Variants in SPATA18 observed in about 807,000 individuals in gnomAD.
The protein encoded by SPATA18 is mitochondria-eating protein.
A neutral mutation model predicts 68.1 loss-of-function variants in SPATA18; 54 were observed. That is an observed-to-expected ratio of 0.79 (90% CI 0.64 to 0.99). The LOEUF (loss-of-function observed/expected upper bound fraction) is 0.99. Ranked by LOEUF, SPATA18 falls within the 50% of genes least tolerant of loss-of-function variation. The probability of loss-of-function intolerance (pLI) is 0.00; values close to 1 mark genes in which losing one functional copy is unlikely to be tolerated. For missense variants in SPATA18, 724 were observed against 681.1 expected, an observed-to-expected ratio of 1.06 and a Z score of -0.70; for synonymous variants, 242 against 244.8, an observed-to-expected ratio of 0.99 and a Z score of 0.11.
chr4:52,088,177 A>G (rs555996535), intron 11 of SPATA18, among the ~76,000 whole-genome samples: 2 of 152,292 alleles, frequency 1.3e-5, no homozygotes, highest in Non-Finnish European at 2.9e-5. Context: ...TTGGGCTGAG[A>G]CGATGCGGTT....
chr4:52,086,498 G>A (rs1234237675), intron 11 of SPATA18, among the ~76,000 whole-genome samples: 1 of 152,116 alleles, frequency 6.6e-6, no homozygotes, highest in Non-Finnish European at 1.5e-5. Context: ...TCCCACTTAT[G>A]AGTGAGAACA....
intron 11 of SPATA18, 47 bp from the exon 12 acceptor site, chr4:52,094,480 G>A: frequency 6.3e-7 from 1 of 1,578,332 alleles, no homozygotes; most frequent in Non-Finnish European, 8.7e-7. Context: ...TTCATCCTTT[G>A]AGCTCCGTCT....
intron 6 of SPATA18, among the ~76,000 whole-genome samples, chr4:52,074,173 G>A (rs1740110227): frequency 6.6e-6 from 1 of 152,118 alleles, no homozygotes; most frequent in Non-Finnish European, 1.5e-5. Flanking sequence ...ATTATGTTCA[G>A]GACAGTGATT....
chr4:52,061,487 AAATAAT>A lies in SPATA18; in HGVS notation c.309+620_309+625del, dbSNP rs3050629. ...ATGTGTATCCCAGAACCTAAAGTAA[AAATAAT>A]AATAATAATAATAATAATAATAATA... On this transcript the variant is annotated intron_variant, in intron 3 of 12. Coordinates refer to ENST00000295213, the MANE Select transcript of SPATA18 (RefSeq NM_145263.4). 5.1e-3 allele frequency among the ~76,000 whole-genome samples: 726 copies of A among 143,492 alleles called. 10 individuals carry two copies. Among genetic ancestry groups the A allele is most frequent in the East Asian group, 0.029 (142 of 4,946 alleles). 94.1% of individuals were successfully genotyped at this position (143,492 alleles called of 152,430 possible).
chr4:52,072,393 G>A (rs895479106), intron 6 of SPATA18, among the ~76,000 whole-genome samples: 1 of 151,934 alleles, frequency 6.6e-6, no homozygotes, highest in African/African-American at 2.4e-5. Context: ...GAGATATGGA[G>A]AAGGAAAGTT....
chr4:52,081,197 T>A (rs1361180436), intron 9 of SPATA18, among the ~76,000 whole-genome samples: 1 of 152,230 alleles, frequency 6.6e-6, no homozygotes, highest in Admixed American at 6.5e-5. Flanking sequence ...AATCTGCACA[T>A]GTCAAAGACT....
chr4:52,062,208 G>A lies in SPATA18; in HGVS notation c.310-12G>A, dbSNP rs780874355. The A allele has an allele frequency of 1.0e-5, 9 of 902,248 alleles. No homozygotes were observed. Among genetic ancestry groups the A allele is most frequent in the African/African-American group, 2.2e-5 (1 of 45,890 alleles). The allele number at this position is 902,248 out of a possible 1,614,324, so 55.9% of individuals were successfully genotyped here. A position where few individuals can be genotyped will look rare whatever the true frequency, so the allele number is the denominator to read the frequency against. On this transcript the variant is annotated splice_polypyrimidine_tract_variant and intron_variant, in intron 3 of 12. Coordinates refer to ENST00000295213, the MANE Select transcript of SPATA18 (RefSeq NM_145263.4). ...ACTGTTTTTTTTTTTTTTTTTTGGT[G>A]TATCTTTCCAGGACACGTTTGATAG...
At chr4:52,074,776 T>C (rs1367466085) in intron 6 of SPATA18, among the ~76,000 whole-genome samples, 1 of 152,154 alleles carries the variant, frequency 6.6e-6, no homozygotes, top group Non-Finnish European at 1.5e-5. Flanking sequence ...ATTATAAGTA[T>C]GAATGGTGGG....
Position 52,051,472 on chromosome 4 carries a change from C to T in SPATA18, c.-233C>T, listed in dbSNP as rs530239175. ...AGGCGGCTGCTGGGGAGCCAGGAGA[C>T]CGCGCGGGACGGCGGATGAGGCGCG... On this transcript the variant is annotated 5_prime_UTR_variant, in exon 1 of 13. Transcript: ENST00000295213. 4.1e-5 allele frequency: 22 copies of T among 536,094 alleles called. No individual in the cohort carries two copies. The South Asian group carries it at 6.0e-4, about 15-fold the overall frequency. The allele number at this position is 536,094 out of a possible 1,614,324, so 33.2% of individuals were successfully genotyped here.
At chr4:52,074,662 T>G (rs1740166285) in intron 6 of SPATA18, among the ~76,000 whole-genome samples, 1 of 152,184 alleles carries the variant, frequency 6.6e-6, no homozygotes. Flanking sequence ...GATTCAGAGT[T>G]TTGTTGTAAG....
chr4:52,090,753 G>T (rs974298720), intron 11 of SPATA18, among the ~76,000 whole-genome samples: 1 of 152,114 alleles, frequency 6.6e-6, no homozygotes, highest in East Asian at 1.9e-4. Flanking sequence ...TGAATCTGAC[G>T]ATTATGTGTC....
chr4:52,054,047 A>G (rs940246487), intron 1 of SPATA18, among the ~76,000 whole-genome samples: 2 of 152,228 alleles, frequency 1.3e-5, no homozygotes, highest in Non-Finnish European at 2.9e-5. Context: ...TGCTCGTCCT[A>G]GAGCAATGCT....
chr4:52,054,097 T>C (rs1738130536), intron 1 of SPATA18, among the ~76,000 whole-genome samples: 1 of 152,264 alleles, frequency 6.6e-6, no homozygotes, highest in Non-Finnish European at 1.5e-5. Flanking sequence ...AGGTTCTATA[T>C]CTGCATTGTC....
chr4:52,079,871 C>A lies in SPATA18; in HGVS notation c.1307C>A (p.Pro436His), dbSNP rs757275124. 4 of 1,613,810 alleles carry A rather than the reference C, an allele frequency of 2.5e-6. No individual in the cohort carries two copies. Among genetic ancestry groups the A allele is most frequent in the Non-Finnish European group, 3.4e-6 (4 of 1,179,898 alleles). Residue 436 changes from proline to histidine, a missense_variant, in exon 9 of 13, where the codon CCC becomes CAC. Pro to His is a moderately conservative substitution (Grantham distance 77). Coordinates refer to ENST00000295213, the MANE Select transcript of SPATA18 (RefSeq NM_145263.4). ...IAFAMQALEP[P>H]LDIAYGADGE... ...TTTGCAATGCAGGCCTTAGAACCAC[C>A]CCTAGATATTGCATATGGAGCAGAT...
chr4:52,060,817 C>A lies in SPATA18; in HGVS notation c.229C>A (p.Arg77Ser). ...RNDGVETIKS[R>S]LLPWLEASFT... The stretch of plus-strand genomic sequence containing the variant: ...TGATGGTGTGGAAACAATCAAGTCA[C>A]GCCTTTTGCCTTGGCTGGAGGCTTC... The change falls in exon 3 of 13, where the codon CGC becomes AGC. Residue 77 changes from arginine to serine, a missense_variant. Arg to Ser is a moderately radical substitution (Grantham distance 110). Coordinates refer to ENST00000295213, the MANE Select transcript of SPATA18 (RefSeq NM_145263.4). 1 of 1,614,084 alleles carries A rather than the reference C, an allele frequency of 6.2e-7. No individual in the cohort carries two copies. Among genetic ancestry groups the A allele is most frequent in the Non-Finnish European group, 8.5e-7 (1 of 1,179,986 alleles).
chr4:52,089,299 A>ATCT (rs1446161331), intron 11 of SPATA18, among the ~76,000 whole-genome samples: 2 of 152,066 alleles, frequency 1.3e-5, no homozygotes, highest in East Asian at 3.9e-4. Context: ...TTCTACTCTG[A>ATCT]TCTTAGTTAT....
chr4:52,079,756 G>T lies in SPATA18; in HGVS notation c.1192G>T (p.Ala398Ser). The change falls in exon 9 of 13, where the codon GCC (alanine) becomes TCC (serine). Residue 398 changes from alanine to serine, a missense_variant. Physicochemically the swap from Ala to Ser is moderately conservative, Grantham distance 99. Transcript: ENST00000295213. ...TTTTGTTTTTCAGGATGTGATCCGA[G>T]CCATGAATGTCAATCCCAAGATTTC... Reference protein sequence around the residue: ...SQSSVNDVIRAMNVNPKISFP... With the variant: ...SQSSVNDVIRSMNVNPKISFP... 6.2e-7 allele frequency: 1 copy of T among 1,613,888 alleles called. No individual in the cohort carries two copies. Among genetic ancestry groups the T allele is most frequent in the Non-Finnish European group, 8.5e-7 (1 of 1,179,874 alleles).
At chr4:52,059,363 A>G (rs1226485860) in intron 1 of SPATA18, among the ~76,000 whole-genome samples, 9 of 152,188 alleles carry the variant, frequency 5.9e-5, no homozygotes, top group Non-Finnish European at 7.3e-5. Flanking sequence ...TTACAACCAC[A>G]TGATGTTTGT....
chr4:52,059,337 A>G (rs1738632216), intron 1 of SPATA18, among the ~76,000 whole-genome samples: 1 of 152,250 alleles, frequency 6.6e-6, no homozygotes, highest in African/African-American at 2.4e-5. Flanking sequence ...GAGGTGACAC[A>G]TAAATCGATG....
Sources: gnomAD v4.1 joint callset for allele counts (sites outside exome capture counted in the v4.1 genomes callset) on GRCh38, gnomAD v4.1.1 for gene constraint, MANE v1.5 for transcripts, NCBI Gene and HGNC (gene_info 2026-07-23, HGNC 2026-07-21) for gene names.